The following SGCD variants were observed in gnomAD, a reference collection of about 807,000 sequenced individuals.
SGCD encodes delta-sarcoglycan.
SGCD carries 18 observed loss-of-function variants against 36.6 expected under a neutral mutation model. That is an observed-to-expected ratio of 0.49 (90% CI 0.34 to 0.73). SGCD has a LOEUF of 0.73. SGCD is among the 30% of genes least tolerant of loss of function. SGCD has a pLI of 0.01. For synonymous variants in SGCD, 133 were observed against 130.6 expected (o/e 1.02, Z -0.12); for missense variants, 387 against 346.7 (o/e 1.12, Z -0.92).
chr5:156,505,622 A>G (rs1756661486), intron 3 of SGCD, among the ~76,000 whole-genome samples: 1 of 152,224 alleles, frequency 6.6e-6, no homozygotes, highest in South Asian at 2.1e-4. Context: ...GATGCTGGCA[A>G]CGTAACAGCA....
chr5:156,578,529 G>A (rs1475470197), intron 4 of SGCD, among the ~76,000 whole-genome samples: 2 of 152,170 alleles, frequency 1.3e-5, no homozygotes, highest in Non-Finnish European at 2.9e-5. Flanking sequence ...ATTCAGCTGT[G>A]AATCCATCTG....
At chr5:156,265,282 G>T (rs550951846) in intron 3 of SGCD, among the ~76,000 whole-genome samples, 102 of 152,266 alleles carry the variant, frequency 6.7e-4, no homozygotes, top group Non-Finnish European at 1.1e-3. Context: ...GGGGAGGGAG[G>T]TAGGGAGAAG....
At chr5:156,563,531 T>C (rs1759354986) in intron 4 of SGCD, among the ~76,000 whole-genome samples, 2 of 152,252 alleles carry the variant, frequency 1.3e-5, no homozygotes, top group African/African-American at 2.4e-5. Flanking sequence ...GGCCACACTC[T>C]GCCTTTCCCT....
At chr5:155,753,858 C>T in the SGCD span, among the ~76,000 whole-genome samples, 1 of 152,124 alleles carries the variant, frequency 6.6e-6, no homozygotes, top group Non-Finnish European at 1.5e-5. Context: ...CCCCCAGGTC[C>T]TCCTCCCAAA....
intron 6 of SGCD, among the ~76,000 whole-genome samples, chr5:156,610,691 C>A (rs560005008): frequency 6.6e-6 from 1 of 152,352 alleles, no homozygotes; most frequent in South Asian, 2.1e-4. Flanking sequence ...GGGCTCCACC[C>A]AGTTCAAGCT....
the SGCD span, among the ~76,000 whole-genome samples, chr5:155,850,740 G>T: frequency 1.3e-5 from 2 of 152,184 alleles, no homozygotes; most frequent in South Asian, 4.2e-4. Context: ...CTTTCCTTTT[G>T]CCTTTTCCCT....
chr5:156,427,871 A>G (rs1370229959), intron 3 of SGCD, among the ~76,000 whole-genome samples: 1 of 152,166 alleles, frequency 6.6e-6, no homozygotes, highest in Non-Finnish European at 1.5e-5. Context: ...CCATCCCTGT[A>G]TCCCTGGTAT....
intron 1 of SGCD, among the ~76,000 whole-genome samples, chr5:155,992,172 A>G (rs140664848): frequency 1.3e-5 from 2 of 152,304 alleles, no homozygotes; most frequent in East Asian, 1.9e-4. Flanking sequence ...TTTTGTCATC[A>G]TGAAAAGCAA....
chr5:156,589,783 T>C (rs1407191642), intron 5 of SGCD, among the ~76,000 whole-genome samples: 2 of 152,222 alleles, frequency 1.3e-5, no homozygotes, highest in East Asian at 3.8e-4. Flanking sequence ...ACGTGCTGAC[T>C]TTGAACCTAA....
intron 1 of SGCD, among the ~76,000 whole-genome samples, chr5:156,047,749 G>A (rs951499022): frequency 6.6e-6 from 1 of 152,040 alleles, no homozygotes; most frequent in African/African-American, 2.4e-5. Flanking sequence ...TTGTTTTCTT[G>A]CCTTCTGATA....
the SGCD span, among the ~76,000 whole-genome samples, chr5:155,859,385 G>A: frequency 6.6e-6 from 1 of 151,968 alleles, no homozygotes; most frequent in African/African-American, 2.4e-5. Flanking sequence ...GCTTTCTTGA[G>A]GTATGATTTA....
At chr5:156,305,751 C>G (rs1467295250) in intron 3 of SGCD, among the ~76,000 whole-genome samples, 1 of 152,224 alleles carries the variant, frequency 6.6e-6, no homozygotes, top group African/African-American at 2.4e-5. Context: ...AGGAGGGAAG[C>G]TGTATGCTCC....
chr5:156,583,237 C>T (rs750197398), intron 4 of SGCD, among the ~76,000 whole-genome samples: 3 of 152,160 alleles, frequency 2.0e-5, no homozygotes, highest in Non-Finnish European at 2.9e-5. Flanking sequence ...CTTAACATTT[C>T]CAAAGCTGAA....
At chr5:155,898,849 A>G (rs1242279933) in intron 1 of SGCD, among the ~76,000 whole-genome samples, 1 of 152,174 alleles carries the variant, frequency 6.6e-6, no homozygotes, top group Non-Finnish European at 1.5e-5. Context: ...ATTAGAGAGG[A>G]AAGTGACTCC....
intron 6 of SGCD, among the ~76,000 whole-genome samples, chr5:156,631,311 C>G (rs2113532321): frequency 6.6e-6 from 1 of 152,100 alleles, no homozygotes; most frequent in East Asian, 1.9e-4. Flanking sequence ...GATAGTATAC[C>G]TTAATCCTGT....
intron 3 of SGCD, among the ~76,000 whole-genome samples, chr5:156,236,684 G>A (rs1244805442): frequency 3.9e-5 from 6 of 152,002 alleles, no homozygotes; most frequent in African/African-American, 1.2e-4. Flanking sequence ...TCCTGACCTC[G>A]TGATCCACCC....
chr5:156,154,143 G>C lies in SGCD; in HGVS notation c.-44+30124G>C, dbSNP rs192547640. On this transcript the variant is annotated intron_variant, in intron 3 of 9. Coordinates refer to the SGCD transcript ENST00000517913. ...TTTGGAATCCTCACTTCATGGGTCC[G>C]AGACTCAAAGCTGTCCAGTAACTTG... Among the ~76,000 whole-genome samples the C allele has an allele frequency of 6.7e-4, 102 of 151,698 alleles. 1 individual carries two copies. In the Middle Eastern group the frequency reaches 0.017, roughly 25 times the overall value.
chr5:155,876,022 T>C (rs1755760525), intron 1 of SGCD, among the ~76,000 whole-genome samples: 1 of 151,874 alleles, frequency 6.6e-6, no homozygotes, highest in African/African-American at 2.4e-5. Context: ...TTTTTTTTTT[T>C]CTTGGTCCTC....
intron 6 of SGCD, among the ~76,000 whole-genome samples, chr5:156,610,630 G>T (rs1270880753): frequency 1.3e-5 from 2 of 152,252 alleles, no homozygotes; most frequent in Non-Finnish European, 2.9e-5. Flanking sequence ...GCTATGCCCT[G>T]CCCCCGGAGG....
Sources: gnomAD v4.1 joint callset for allele counts (sites outside exome capture counted in the v4.1 genomes callset) on GRCh38, gnomAD v4.1.1 for gene constraint, MANE v1.5 for transcripts, NCBI Gene and HGNC (gene_info 2026-07-23, HGNC 2026-07-21) for gene names.